The following PTPRD variants were observed in gnomAD, a reference collection of about 807,000 sequenced individuals.
PTPRD encodes the protein protein tyrosine phosphatase receptor type D, also known as receptor-type tyrosine-protein phosphatase delta.
PTPRD carries 34 observed loss-of-function variants against 214.5 expected under a neutral mutation model. The observed-to-expected ratio is 0.16, with a 90% CI of 0.12 to 0.21. PTPRD has a LOEUF of 0.21. Among genes scored for constraint, PTPRD ranks in the 10% least tolerant of loss-of-function variants. PTPRD has a pLI of 1.00. For synonymous variants in PTPRD, 1,128 were observed against 845.7 expected (o/e 1.33, Z -5.79); for missense variants, 2,545 against 2,398.7 (o/e 1.06, Z -1.27).
At chr9:10,097,086 C>T (rs535958718) in intron 3 of PTPRD, among the ~76,000 whole-genome samples, 89 of 150,580 alleles carry the variant, frequency 5.9e-4, no homozygotes, top group African/African-American at 1.8e-3. Flanking sequence ...TGTTCTGTTC[C>T]ATTGATCTAT....
chr9:9,595,289 TA>T (rs1207134632), intron 7 of PTPRD, among the ~76,000 whole-genome samples: 159 of 2,932 alleles, frequency 0.054, 2 homozygotes, highest in African/African-American at 0.096. Flanking sequence ...ATATATATAT[TA>T]TATATATATA....
At chr9:9,631,202 TAAATAAATAA>T (rs1487225458) in intron 7 of PTPRD, among the ~76,000 whole-genome samples, 1 of 68,842 alleles carries the variant, frequency 1.5e-5, no homozygotes, top group African/African-American at 3.8e-5. Context: ...CATAAATAAA[TAAATAAATAA>T]ATAAATAAAT....
At chr9:8,860,302 T>C (rs1586798459) in intron 11 of PTPRD, 1 of 152,122 alleles carries the variant, frequency 6.6e-6, no homozygotes, top group East Asian at 1.9e-4. Flanking sequence ...ACACCACTGG[T>C]AGTGATTTAA....
At chr9:9,371,884 C>G (rs943896605) in intron 9 of PTPRD, among the ~76,000 whole-genome samples, 32 of 152,168 alleles carry the variant, frequency 2.1e-4, no homozygotes, top group African/African-American at 7.5e-4. Flanking sequence ...AGTAGTCTTT[C>G]AGGAGCAGGT....
intron 35 of PTPRD, among the ~76,000 whole-genome samples, chr9:8,409,068 T>A (rs117939866): frequency 1.3e-5 from 2 of 152,230 alleles, no homozygotes. Context: ...GTTTGCATTG[T>A]ATTCTCGACA....
intron 14 of PTPRD, among the ~76,000 whole-genome samples, chr9:8,611,640 G>A (rs2095449479): frequency 6.6e-6 from 1 of 151,760 alleles, no homozygotes; most frequent in African/African-American, 2.4e-5. Flanking sequence ...GGAAGGTCTG[G>A]GCTGCAATGA....
In PTPRD at chr9:10,097,915, C is replaced by T. The variant is rs139335714; in HGVS notation, c.-544-64125G>A. Among the ~76,000 whole-genome samples, 125 of 151,886 alleles carry T rather than the reference C, an allele frequency of 8.2e-4. 1 individual carries two copies. Among genetic ancestry groups the T allele is most frequent in the African/African-American group, 2.9e-3 (120 of 41,474 alleles). On this transcript the variant is annotated intron_variant, in intron 3 of 45. Coordinates refer to ENST00000381196, the MANE Select transcript of PTPRD (RefSeq NM_002839.4). Reference sequence around the variant, plus strand: ...TGGCGAGACTGCAAACTAGTTCAACCATTGTGGAAGTCGGTGTAGCGATTC... The same window carrying T: ...TGGCGAGACTGCAAACTAGTTCAACTATTGTGGAAGTCGGTGTAGCGATTC...
chr9:9,409,509 G>C (rs555156833), intron 8 of PTPRD, among the ~76,000 whole-genome samples: 1 of 152,068 alleles, frequency 6.6e-6, no homozygotes, highest in East Asian at 1.9e-4. Context: ...AACACAGCTG[G>C]TGAGTAAACA....
intron 5 of PTPRD, among the ~76,000 whole-genome samples, chr9:9,887,760 GA>G (rs1566021629): frequency 6.6e-6 from 1 of 152,046 alleles, no homozygotes; most frequent in African/African-American, 2.4e-5. Context: ...TTCAGGAGTA[GA>G]AAGTTTTACT....
intron 14 of PTPRD, among the ~76,000 whole-genome samples, chr9:8,539,322 G>C (rs1033607424): frequency 6.6e-6 from 1 of 151,918 alleles, no homozygotes; most frequent in African/African-American, 2.4e-5. Flanking sequence ...TAGATTTGCA[G>C]TATGCAATTA....
At chr9:10,166,380 T>G (rs1471597232) in intron 3 of PTPRD, among the ~76,000 whole-genome samples, 2 of 151,806 alleles carry the variant, frequency 1.3e-5, no homozygotes, top group Non-Finnish European at 3.0e-5. Flanking sequence ...GCTGATTTTT[T>G]TTTGTTTGTT....
At position 9,305,337 on chromosome 9, in the gene PTPRD, T is replaced by A. The variant is rs922750347; in HGVS notation, c.-203+92112A>T. Among the ~76,000 whole-genome samples the A allele has an allele frequency of 4.6e-5, 7 of 152,230 alleles. No individual in the cohort carries two copies. The South Asian group carries it at 1.5e-3, about 32-fold the overall frequency. ...TAAGATGTGTTAAGTGTGCCATGTT[T>A]AAACAGAAGACAGTAAAATTCAATC... On this transcript the variant is annotated intron_variant, in intron 9 of 45. Coordinates refer to ENST00000381196, the MANE Select transcript of PTPRD (RefSeq NM_002839.4).
At chr9:9,785,622 G>C (rs1565244182) in intron 5 of PTPRD, among the ~76,000 whole-genome samples, 1 of 152,040 alleles carries the variant, frequency 6.6e-6, no homozygotes, top group East Asian at 1.9e-4. Context: ...CAGATCAGCA[G>C]AAACTAAGGA....
intron 8 of PTPRD, among the ~76,000 whole-genome samples, chr9:9,425,099 T>C (rs559424425): frequency 2.0e-5 from 3 of 152,228 alleles, no homozygotes; most frequent in African/African-American, 4.8e-5. Flanking sequence ...GAACTTGGGC[T>C]AGACTGTCTA....
intron 10 of PTPRD, among the ~76,000 whole-genome samples, chr9:9,042,952 G>A (rs2099645953): frequency 6.6e-6 from 1 of 152,170 alleles, no homozygotes; most frequent in African/African-American, 2.4e-5. Flanking sequence ...GGCAGCAACA[G>A]CAGTGTTCTA....
intron 23 of PTPRD, among the ~76,000 whole-genome samples, chr9:8,502,903 C>T (rs550657173): frequency 6.7e-6 from 1 of 149,868 alleles, no homozygotes; most frequent in East Asian, 2.0e-4. Context: ...GTTTGTAAAC[C>T]ATGGGAAATA....
intron 14 of PTPRD, among the ~76,000 whole-genome samples, chr9:8,572,714 T>C (rs2091477338): frequency 1.3e-5 from 2 of 152,104 alleles, no homozygotes; most frequent in East Asian, 3.9e-4. Flanking sequence ...GCAGGAAGTC[T>C]AGTGTTACTC....
chr9:8,395,725 A>C (rs1013373598), intron 36 of PTPRD, among the ~76,000 whole-genome samples: 2 of 151,942 alleles, frequency 1.3e-5, no homozygotes, highest in Non-Finnish European at 2.9e-5. Context: ...AGAGTATTTG[A>C]ACCCAACCTG....
chr9:10,196,594 G>C (rs975333159), intron 3 of PTPRD, among the ~76,000 whole-genome samples: 8 of 152,070 alleles, frequency 5.3e-5, no homozygotes, highest in Admixed American at 1.3e-4. Flanking sequence ...TATTAAAATT[G>C]TACTATATTT....
Sources: allele counts gnomAD v4.1 joint callset (sites outside exome capture counted in the v4.1 genomes callset), GRCh38; gene constraint gnomAD v4.1.1; transcripts MANE v1.5; gene names NCBI Gene and HGNC (gene_info 2026-07-23, HGNC 2026-07-21).